The following FUNDC2 variants were observed in gnomAD, a reference collection of about 807,000 sequenced individuals.
FUNDC2 encodes FUN14 domain containing 2.
FUNDC2 carries 4 observed loss-of-function variants against 15.6 expected under a neutral mutation model. That is an observed-to-expected ratio of 0.26 (90% confidence interval 0.13 to 0.59). The LOEUF (loss-of-function observed/expected upper bound fraction) is 0.59, where lower values mean the gene tolerates loss of function less well. FUNDC2 is among the 20% of genes least tolerant of loss of function. The pLI is 0.90. For synonymous variants in FUNDC2, 44 were observed against 56.9 expected, an observed-to-expected ratio of 0.77 and a Z score of 1.02; for missense variants, 98 against 149.7, an observed-to-expected ratio of 0.65 and a Z score of 1.80.
At chrX:155,043,983 C>G (rs1261454635) in intron 2 of FUNDC2, among the ~76,000 whole-genome samples, 1 of 112,236 alleles carries the variant, frequency 8.9e-6, no homozygotes, top group Non-Finnish European at 1.9e-5. Context: ...AAGGCTTTAA[C>G]TTTCTCTCTT....
intron 2 of FUNDC2, among the ~76,000 whole-genome samples, chrX:155,044,242 G>A (rs1248775123): frequency 1.8e-5 from 2 of 111,764 alleles, no homozygotes; most frequent in African/African-American, 6.5e-5. Flanking sequence ...TAGATTCTAG[G>A]GGGTGAAAGT....
At chrX:155,032,280 C>CTTTTTTTT (rs200923469) in intron 1 of FUNDC2, among the ~76,000 whole-genome samples, 1 of 62,748 alleles carries the variant, frequency 1.6e-5, no homozygotes, top group Non-Finnish European at 2.9e-5. Context: ...CTGGTGCCTT[C>CTTTTTTTT]TTTTTTTTTT....
intron 3 of FUNDC2, chrX:155,051,211 A>G (rs1163123616): frequency 8.5e-6 from 1 of 117,761 alleles, no homozygotes; most frequent in African/African-American, 3.2e-5. Context: ...CTCATGAGAA[A>G]TCTCTGTGGG....
rs1569560314 is a variant in FUNDC2 at position 155,057,066 on chromosome X, T to C, written c.*2394T>C. The C allele has an allele frequency of 1.0e-5, 1 of 99,412 alleles. No individual in the cohort carries two copies. Among genetic ancestry groups the C allele is most frequent in the Non-Finnish European group, 2.2e-5 (1 of 45,111 alleles). 8.2% of individuals were successfully genotyped at this position (99,412 alleles called of 1,213,427 possible). A position where few individuals can be genotyped will look rare whatever the true frequency, so the allele number is the denominator to read the frequency against. ...CTGCTAGTATGAGAACGGCTGTGAGTTCTGCCCACGGTGTGAGGCCACTGT... is the reference window on the plus strand; with the variant it reads ...CTGCTAGTATGAGAACGGCTGTGAGCTCTGCCCACGGTGTGAGGCCACTGT... On this transcript the variant is annotated 3_prime_UTR_variant, in exon 5 of 5. Coordinates refer to ENST00000369498, the MANE Select transcript of FUNDC2 (RefSeq NM_023934.4).
At chrX:155,052,862 C>G (rs782707020) in intron 4 of FUNDC2, among the ~76,000 whole-genome samples, 1 of 112,399 alleles carries the variant, frequency 8.9e-6, no homozygotes, top group Non-Finnish European at 1.9e-5. Context: ...TGGCTGGGCA[C>G]AGTGACTCAC....
At chrX:155,046,295 C>G (rs782136678) in intron 2 of FUNDC2, among the ~76,000 whole-genome samples, 68 of 111,366 alleles carry the variant, frequency 6.1e-4, no homozygotes, top group African/African-American at 2.2e-3. Context: ...AAAATATAAC[C>G]TGAGAGTTTT....
intron 2 of FUNDC2, among the ~76,000 whole-genome samples, 168 bp from the exon 3 acceptor site, chrX:155,046,341 C>T (rs782731786): frequency 8.9e-6 from 1 of 111,908 alleles, no homozygotes; most frequent in East Asian, 2.8e-4. Context: ...TTCATAGAGC[C>T]AAGATTTGAT....
intron 2 of FUNDC2, among the ~76,000 whole-genome samples, chrX:155,045,125 T>C (rs2073858370): frequency 8.9e-6 from 1 of 111,997 alleles, no homozygotes; most frequent in Non-Finnish European, 1.9e-5. Context: ...CATGATCTCA[T>C]ATGTGTGGGG....
intron 3 of FUNDC2, chrX:155,050,792 A>G (rs1233103506): frequency 8.9e-6 from 1 of 111,896 alleles, no homozygotes; most frequent in African/African-American, 3.3e-5. Context: ...ACTGATCTCT[A>G]TAAGAAGTTC....
At position 155,031,777 on chromosome X, in the gene FUNDC2, ATTTTACAGTAAACAGC is replaced by A. The variant is rs2073815731; in HGVS notation, c.134-1622_134-1607del. Among the ~76,000 whole-genome samples, 7 of 112,316 alleles carry A rather than the reference ATTTTACAGTAAACAGC, an allele frequency of 6.2e-5. No homozygotes were observed. In the South Asian group the frequency reaches 2.6e-3, roughly 41 times the overall value. The stretch of plus-strand genomic sequence containing the variant: ...AGATGAAGTTGATCATTTGAGGTCA[ATTTTACAGTAAACAGC>A]TTTGAATAGTACATTGCTGACATTT... On this transcript the variant is annotated intron_variant, in intron 1 of 4. Coordinates refer to ENST00000369498, the MANE Select transcript of FUNDC2 (RefSeq NM_023934.4).
chrX:155,052,573 A>G (rs782414400), intron 4 of FUNDC2, among the ~76,000 whole-genome samples: 1 of 111,439 alleles, frequency 9.0e-6, no homozygotes, highest in Non-Finnish European at 1.9e-5. Context: ...CCTCACAGGG[A>G]AAACAGACAG....
chrX:155,058,689 A>C lies in FUNDC2; in HGVS notation c.*4017A>C, dbSNP rs1353831920. 3 of 110,645 alleles carry C rather than the reference A, an allele frequency of 2.7e-5. No homozygotes were observed. The highest frequency in any genetic ancestry group is 9.9e-5 in the African/African-American group (3 of 30,334). The allele number at this position is 110,645 out of a possible 1,213,427, so 9.1% of individuals were successfully genotyped here. ...TACATTTTCTGCCCAATTTTCTAAGAGGTCACACTAACATCTGAGTAATTG... is the reference window on the plus strand; with the variant it reads ...TACATTTTCTGCCCAATTTTCTAAGCGGTCACACTAACATCTGAGTAATTG... On this transcript the variant is annotated 3_prime_UTR_variant, in exon 5 of 5. Coordinates refer to ENST00000369498, the MANE Select transcript of FUNDC2 (RefSeq NM_023934.4).
chrX:155,046,648 G>A (rs2073863538), intron 3 of FUNDC2, 64 bp downstream of exon 3: 1 of 914,519 alleles, frequency 1.1e-6, no homozygotes, highest in Admixed American at 2.2e-5. Context: ...AATGTGGTGT[G>A]GGGAGTTGTA....
At chrX:155,031,793 C>T (rs1340362654) in intron 1 of FUNDC2, among the ~76,000 whole-genome samples, 3 of 111,970 alleles carry the variant, frequency 2.7e-5, no homozygotes, top group African/African-American at 9.8e-5. Flanking sequence ...CAGTAAACAG[C>T]TTTGAATAGT....
rs1246214297 is a variant in FUNDC2, at chrX:155,057,542, G to T, written c.*2870G>T. The T allele has an allele frequency of 3.6e-5, 4 of 111,354 alleles. No homozygotes were observed. In the Admixed American group the frequency reaches 3.8e-4, roughly 11 times the overall value. 9.2% of individuals were successfully genotyped at this position (111,354 alleles called of 1,213,427 possible). A position where few individuals can be genotyped will look rare whatever the true frequency, so the allele number is the denominator to read the frequency against. On this transcript the variant is annotated 3_prime_UTR_variant, in exon 5 of 5. Transcript: ENST00000369498. ...CGGGGTTTCATCGCCCCCTTGTGGCGGCGACGTGGTAACACCGCACTCAAG... is the reference window on the plus strand; with the variant it reads ...CGGGGTTTCATCGCCCCCTTGTGGCTGCGACGTGGTAACACCGCACTCAAG...
intron 1 of FUNDC2, among the ~76,000 whole-genome samples, chrX:155,027,948 G>A (rs1569560141): frequency 9.0e-6 from 1 of 111,729 alleles, no homozygotes. Context: ...CTTGCCTAAA[G>A]CCGACTGTTA....
chrX:155,036,784 G>A (rs1337494422), intron 2 of FUNDC2, among the ~76,000 whole-genome samples: 1 of 110,802 alleles, frequency 9.0e-6, no homozygotes, highest in African/African-American at 3.3e-5. Context: ...AAAATCAGTT[G>A]ACTATATGTT....
At position 155,027,035 on chromosome X, in the gene FUNDC2, C is replaced by T. The variant is rs1557288307; in HGVS notation, c.97C>T (p.Arg33Ter). The T allele has an allele frequency of 8.4e-7, 1 of 1,194,852 alleles. No individual in the cohort carries two copies. Among genetic ancestry groups the T allele is most frequent in the African/African-American group, 1.8e-5 (1 of 56,657 alleles). ...YRADPLRVSSRDKLTEMAASS... is the reference protein window; with the variant it reads ...YRADPLRVSS ...CGCAGATCCTCTACGTGTGTCCTCG[C>T]GAGACAAGCTCACCGAAATGGCCGC... Residue 33 changes from arginine to a stop codon, truncating the protein, a stop_gained, in exon 1 of 5, where the codon CGA becomes TGA. Transcript: ENST00000369498. LOFTEE classifies it high-confidence loss of function.
chrX:155,052,896 G>A (rs1455928142), intron 4 of FUNDC2, among the ~76,000 whole-genome samples: 2 of 112,706 alleles, frequency 1.8e-5, no homozygotes, highest in Admixed American at 1.9e-4. Flanking sequence ...AAAAAATTTT[G>A]TAAGAGAGGT....
Sources: gnomAD v4.1 joint callset for allele counts (sites outside exome capture counted in the v4.1 genomes callset) on GRCh38, gnomAD v4.1.1 for gene constraint, MANE v1.5 for transcripts, NCBI Gene and HGNC (gene_info 2026-07-23, HGNC 2026-07-21) for gene names.